The following MTERF4 variants were observed in gnomAD, a reference collection of about 807,000 sequenced individuals.
The protein encoded by MTERF4 is mitochondrial transcription termination factor 4.
In MTERF4, 17 loss-of-function variants were observed where a neutral mutation model predicts 22.5. The ratio of observed to expected loss-of-function variants is 0.75; its 90% CI spans 0.52 to 1.13. The LOEUF (loss-of-function observed/expected upper bound fraction) is 1.13, where lower values mean the gene tolerates loss of function less well. MTERF4 is among the 50% of genes most tolerant of loss of function. MTERF4 has a pLI of 0.00. For missense variants in MTERF4, 420 were observed against 466.8 expected, an observed-to-expected ratio of 0.90 and a Z score of 0.92; for synonymous variants, 165 against 175.3, an observed-to-expected ratio of 0.94 and a Z score of 0.47.
the MTERF4 span, chr2:241,065,241 G>A: frequency 1.9e-6 from 3 of 1,578,576 alleles, no homozygotes; most frequent in South Asian, 3.4e-5. Context: ...CGGGAGCCAG[G>A]CATGCATAGC....
Position 241,073,171 on chromosome 2 carries a change from C to T in MTERF4, n.2991G>A. The T allele has an allele frequency of 1.1e-6, 1 of 872,052 alleles. No individual in the cohort carries two copies. The highest frequency in any genetic ancestry group is 2.3e-5 in the Admixed American group (1 of 42,708). The allele number at this position is 872,052 out of a possible 1,614,324, so 54.0% of individuals were successfully genotyped here. A position where few individuals can be genotyped will look rare whatever the true frequency, so the allele number is the denominator to read the frequency against. On this transcript the variant is annotated non_coding_transcript_exon_variant, in exon 5 of 5. Coordinates refer to the MTERF4 transcript ENST00000464344. The surrounding 1 kb of genome is among the most constrained non-coding windows in gnomAD (Gnocchi z 6.6). ...CTGGTCCCCACCAGGGACATCCGTG[C>T]TCCCTGAGATATAGAAGCACTCAAA... is the stretch of plus-strand genomic sequence containing the variant.
chr2:241,088,537 G>A (rs2063702554), downstream of MTERF4: 1 of 734,206 alleles, frequency 1.4e-6, no homozygotes, highest in Non-Finnish European at 2.4e-6. Context: ...CTGTGCTGCT[G>A]TGTTACAGAC....
chr2:241,088,842 G>A (rs557464418), downstream of MTERF4: 14 of 218,174 alleles, frequency 6.4e-5, no homozygotes, highest in East Asian at 1.7e-3. Context: ...AGAGGGCTGA[G>A]AGAGTGCCTC....
At chr2:241,099,367 A>G in intron 2 of MTERF4, 29 bp downstream of exon 2, 1 of 1,596,730 alleles carries the variant, frequency 6.3e-7, no homozygotes, top group Non-Finnish European at 8.5e-7. Flanking sequence ...GAGCCACCGC[A>G]CCCAGCCAAA....
At chr2:241,097,150 C>T (rs547224940) in intron 3 of MTERF4, 93 bp downstream of exon 3, 11 of 1,450,146 alleles carry the variant, frequency 7.6e-6, no homozygotes, top group East Asian at 7.1e-5. Flanking sequence ...ACACTAATCA[C>T]GGTACCAGTC....
At chr2:241,065,163 G>A in the MTERF4 span, 1 of 948,484 alleles carries the variant, frequency 1.1e-6, no homozygotes, top group Non-Finnish European at 1.6e-6. Flanking sequence ...ACGTGGCCAG[G>A]GACAAAGAAG....
the MTERF4 span, among the ~76,000 whole-genome samples, chr2:241,047,177 A>G: frequency 1.4e-5 from 2 of 144,732 alleles, no homozygotes; most frequent in African/African-American, 5.3e-5. Context: ...AAAGTAAATT[A>G]GGTAAACTAA....
At chr2:241,088,710 A>G (rs193172199), downstream of MTERF4, 1,819 of 390,966 alleles carry the variant, frequency 4.7e-3, 27 homozygotes, top group African/African-American at 0.033. Flanking sequence ...GATCAGCTGC[A>G]GTGGGAGGAA....
the MTERF4 span, chr2:241,063,940 T>G: frequency 5.5e-5 from 65 of 1,172,136 alleles, no homozygotes; most frequent in Non-Finnish European, 7.7e-5. Flanking sequence ...TTTCCCTTCT[T>G]CCCGCTGTCC....
At chr2:241,094,639 G>A (rs552182203), downstream of MTERF4, 1 of 339,592 alleles carries the variant, frequency 2.9e-6, no homozygotes, top group South Asian at 2.3e-5. This position sits in a 1 kb window ranked among gnomAD's most constrained non-coding sequence, Gnocchi z 4.3. Flanking sequence ...TACTGTTGTG[G>A]ACCAGGCCTT....
chr2:241,069,999 A>T (rs747457450), downstream of MTERF4: 1 of 1,612,868 alleles, frequency 6.2e-7, no homozygotes, highest in Admixed American at 1.7e-5. This position sits in a 1 kb window ranked among gnomAD's most constrained non-coding sequence, Gnocchi z 4.9. Context: ...CCCCGACTCC[A>T]GGCAGCTTGC....
At chr2:241,048,862 G>C in the MTERF4 span, 1 of 1,229,048 alleles carries the variant, frequency 8.1e-7, no homozygotes, top group Non-Finnish European at 1.2e-6. Flanking sequence ...GGTCCAGACT[G>C]TCGACCATTG....
At chr2:241,090,878 A>G (rs117677175), downstream of MTERF4, among the ~76,000 whole-genome samples, 237 of 152,044 alleles carry the variant, frequency 1.6e-3, 4 homozygotes, top group East Asian at 0.042. Flanking sequence ...CAAAAAAAAA[A>G]AAAAAAGAAA....
chr2:241,084,690 A>G (rs1173714900), downstream of MTERF4, among the ~76,000 whole-genome samples: 1 of 152,114 alleles, frequency 6.6e-6, no homozygotes. Flanking sequence ...TTTTGTATTT[A>G]TTGTACATCT....
chr2:241,087,243 C>A, downstream of MTERF4: 1 of 630,010 alleles, frequency 1.6e-6, no homozygotes, highest in Non-Finnish European at 2.8e-6. Context: ...CATTTTAATA[C>A]ATCAATAGGA....
the MTERF4 span, among the ~76,000 whole-genome samples, chr2:241,044,133 A>C: frequency 6.6e-6 from 1 of 152,364 alleles, no homozygotes; most frequent in African/African-American, 2.4e-5. Flanking sequence ...GAAGGCAGGA[A>C]GAGAGGAAAA....
chr2:241,083,138 C>T (rs74000360), downstream of MTERF4, among the ~76,000 whole-genome samples: 1,162 of 152,220 alleles, frequency 7.6e-3, 21 homozygotes, highest in African/African-American at 0.027. Context: ...GATGACAGGA[C>T]GAGACCAGGA....
At chr2:241,098,639 A>G (rs550150708) in intron 2 of MTERF4, among the ~76,000 whole-genome samples, 4 of 152,356 alleles carry the variant, frequency 2.6e-5, no homozygotes, top group Admixed American at 2.6e-4. Flanking sequence ...TCCAGAGTAA[A>G]TCTAAACACT....
chr2:241,094,597 C>T, downstream of MTERF4: 1 of 352,442 alleles, frequency 2.8e-6, no homozygotes. The surrounding 1 kb of genome is among the most constrained non-coding windows in gnomAD (Gnocchi z 4.3). Context: ...GTCCATTTAC[C>T]ATCTGAAGTT....
Sources: allele counts gnomAD v4.1 joint callset (sites outside exome capture counted in the v4.1 genomes callset), GRCh38; gene constraint gnomAD v4.1.1; non-coding constraint Gnocchi (gnomAD v3.1); transcripts MANE v1.5; gene names NCBI Gene and HGNC (gene_info 2026-07-23, HGNC 2026-07-21).